ZNF317: variants seen among roughly 807,000 people sequenced by gnomAD.
The protein encoded by ZNF317 is KRAB-containing zinc finger protein 317.
ZNF317 carries 17 observed loss-of-function variants against 23.4 expected under a neutral mutation model. That is an observed-to-expected ratio of 0.73 (90% CI 0.50 to 1.09). The LOEUF is 1.09. ZNF317 is among the 50% of genes least tolerant of loss of function. ZNF317 has a pLI of 0.00. For synonymous variants in ZNF317, 317 were observed against 314.9 expected, an observed-to-expected ratio of 1.01 and a Z score of -0.07; for missense variants, 679 against 796.7, an observed-to-expected ratio of 0.85 and a Z score of 1.78.
intron 1 of ZNF317, among the ~76,000 whole-genome samples, chr19:9,142,424 G>T (rs1358978592): frequency 6.6e-6 from 1 of 152,072 alleles, no homozygotes; most frequent in Admixed American, 6.6e-5. Flanking sequence ...ATCTTAAAGG[G>T]AATTGTCATT....
At chr19:9,158,429 G>A (rs1265649888) in intron 5 of ZNF317, among the ~76,000 whole-genome samples, 1 of 127,716 alleles carries the variant, frequency 7.8e-6, no homozygotes, top group Non-Finnish European at 1.6e-5. Context: ...GGAGTGCAGT[G>A]GCATGATCTC....
chr19:9,140,473 CT>C lies in ZNF317; in HGVS notation c.-209del. On this transcript the variant is annotated 5_prime_UTR_variant, in exon 1 of 7. It introduces an in-frame stop codon into an upstream open reading frame of the 5' UTR. Transcript: ENST00000247956. Reference sequence around the variant, plus strand: ...GCCAAGGAGGGGTCAGCGGCGAATTCTTTCGGCCTGTTGGGGACCCCTCGTG... The same window carrying C: ...GCCAAGGAGGGGTCAGCGGCGAATTCTTCGGCCTGTTGGGGACCCCTCGTG... The C allele has an allele frequency of 2.2e-6, 1 of 456,424 alleles. No homozygotes were observed. The highest frequency in any genetic ancestry group is 4.4e-6 in the Non-Finnish European group (1 of 226,848). 28.3% of individuals were successfully genotyped at this position (456,424 alleles called of 1,614,324 possible). A position where few individuals can be genotyped will look rare whatever the true frequency, so the allele number is the denominator to read the frequency against.
rs753705072 is a variant in ZNF317 at position 9,161,132 on chromosome 19, A to T, written c.1487A>T (p.His496Leu). Residue 496 changes from histidine (H) to leucine (L), a missense_variant, in exon 7 of 7, where the codon CAC becomes CTC. His to Leu is a moderately conservative substitution (Grantham distance 99, BLOSUM62 -3). Transcript: ENST00000247956. This position sits in a 1 kb window ranked among gnomAD's most constrained non-coding sequence, Gnocchi z 4.0. ...TCCCGGCGGAGGCACATGAGCGTTC[A>T]CCTTGTAAAGAAACGAGTTGAGTGT... The part of the protein sequence containing the change: ...YLSRRRHMSV[H>L]LVKKRVECRQ... 4 of 1,614,196 alleles carry T rather than the reference A, an allele frequency of 2.5e-6. No individual in the cohort carries two copies. Among genetic ancestry groups the T allele is most frequent in the Non-Finnish European group, 3.4e-6 (4 of 1,180,040 alleles).
chr19:9,151,130 G>T (rs1327289247), intron 1 of ZNF317, among the ~76,000 whole-genome samples: 2 of 152,184 alleles, frequency 1.3e-5, no homozygotes, highest in East Asian at 3.9e-4. Context: ...GGTAGGTGAG[G>T]ATGGAGATAC....
intron 4 of ZNF317, 72 bp downstream of exon 4, chr19:9,157,466 C>G: frequency 6.3e-7 from 1 of 1,588,962 alleles, no homozygotes; most frequent in Non-Finnish European, 8.6e-7. Context: ...GTTCTGTGAC[C>G]CAGGAACTAT....
chr19:9,159,585 C>A (rs1462640849), intron 6 of ZNF317, among the ~76,000 whole-genome samples: 1 of 147,380 alleles, frequency 6.8e-6, no homozygotes, highest in South Asian at 2.2e-4. Flanking sequence ...TTGCTCTTGT[C>A]ACCCAGGCTG....
chr19:9,140,405 G>C lies in ZNF317; in HGVS notation c.-280G>C, dbSNP rs2050616017. ...GAGAATTGGAAGGCGGCAGTGAAGC[G>C]GAAGCCATTACTCTCTGGAGTCGAT... On this transcript the variant is annotated 5_prime_UTR_variant, in exon 1 of 7. Transcript: ENST00000247956. 1 of 392,012 alleles carries C rather than the reference G, an allele frequency of 2.6e-6. No homozygotes were observed. The highest frequency in any genetic ancestry group is 5.1e-6 in the Non-Finnish European group (1 of 194,522). 24.3% of individuals were successfully genotyped at this position (392,012 alleles called of 1,614,324 possible).
In ZNF317 at chr19:9,161,158, A is replaced by G; in HGVS notation, c.1513A>G (p.Arg505Gly). 2 of 1,614,142 alleles carry G rather than the reference A, an allele frequency of 1.2e-6. No individual in the cohort carries two copies. Among genetic ancestry groups the G allele is most frequent in the Non-Finnish European group, 1.7e-6 (2 of 1,180,018 alleles). ...VHLVKKRVEC[R>G]QCGKAFRNQS... is the part of the protein sequence containing the mutation. ...CCTTGTAAAGAAACGAGTTGAGTGT[A>G]GGCAGTGTGGCAAGGCCTTCAGGAA... The change falls in exon 7 of 7, where the codon AGG becomes GGG. Residue 505 changes from arginine to glycine, a missense_variant. By Grantham distance (125) the Arg-to-Gly change is moderately radical. Transcript: ENST00000247956. The surrounding 1 kb of genome is among the most constrained non-coding windows in gnomAD (Gnocchi z 4.0).
At position 9,162,593 on chromosome 19, in the gene ZNF317, T is replaced by A. The variant is rs1297024719; in HGVS notation, c.*1160T>A. On this transcript the variant is annotated 3_prime_UTR_variant, in exon 7 of 7. Coordinates refer to ENST00000247956, the MANE Select transcript of ZNF317 (RefSeq NM_020933.5). The stretch of plus-strand genomic sequence containing the variant: ...CCCCCGAGAGAAGCCCCAACGAGAT[T>A]TTCCGGTGAATACGGGACTGCACGT... 18 of 151,354 alleles carry A rather than the reference T, an allele frequency of 1.2e-4. No homozygotes were observed. The Admixed American group carries it at 1.2e-3, about 10-fold the overall frequency. 9.4% of individuals were successfully genotyped at this position (151,354 alleles called of 1,614,324 possible).
intron 4 of ZNF317, 46 bp from the exon 5 acceptor site, chr19:9,157,934 C>T: frequency 1.3e-6 from 2 of 1,541,730 alleles, no homozygotes; most frequent in Non-Finnish European, 1.8e-6. Context: ...AAGGGGTTGT[C>T]CTCTGCATGG....
In ZNF317 at chr19:9,157,248, A is replaced by G. The variant is rs2050793887; in HGVS notation, c.163-20A>G. The G allele has an allele frequency of 6.2e-7, 1 of 1,612,730 alleles. No homozygotes were observed. Among genetic ancestry groups the G allele is most frequent in the African/African-American group, 1.3e-5 (1 of 74,830 alleles). On this transcript the variant is annotated intron_variant, in intron 3 of 6. Coordinates refer to ENST00000247956, the MANE Select transcript of ZNF317 (RefSeq NM_020933.5). ...GTTAGGCTGGTTCCTCGCTGACCCC[A>G]AGTTTGTGTGGCGTTCCAGGAATCG...
At position 9,163,403 on chromosome 19, in the gene ZNF317, G is replaced by GT. The variant is rs1288616492; in HGVS notation, c.*1973dup. 2 of 152,144 alleles carry GT rather than the reference G, an allele frequency of 1.3e-5. No individual in the cohort carries two copies. Among genetic ancestry groups the GT allele is most frequent in the African/African-American group, 2.4e-5 (1 of 41,438 alleles). The allele number at this position is 152,144 out of a possible 1,614,324, so 9.4% of individuals were successfully genotyped here. A position where few individuals can be genotyped will look rare whatever the true frequency, so the allele number is the denominator to read the frequency against. On this transcript the variant is annotated 3_prime_UTR_variant, in exon 7 of 7. Transcript: ENST00000247956. ...TGAGAAAAAATAAAACTGATTATTG[G>GT]TTTAAGCTGCTATGGATATTTCATT...
chr19:9,147,729 A>G (rs193078204), intron 1 of ZNF317, among the ~76,000 whole-genome samples: 1 of 152,218 alleles, frequency 6.6e-6, no homozygotes, highest in African/African-American at 2.4e-5. Flanking sequence ...CCTGCTCCAC[A>G]TCCTGCTGGG....
chr19:9,157,169 G>T, intron 3 of ZNF317, 99 bp from the exon 4 acceptor site: 1 of 1,473,062 alleles, frequency 6.8e-7, no homozygotes, highest in Non-Finnish European at 9.2e-7. Flanking sequence ...TGGAAATCCT[G>T]TGTTGGGTCT....
chr19:9,161,339 A>T lies in ZNF317; in HGVS notation c.1694A>T (p.Lys565Ile), dbSNP rs775953169. ...EKPYECLVCG[K>I]AFSDHSSLRS... The stretch of plus-strand genomic sequence containing the variant: ...CCCTACGAATGCCTTGTCTGCGGGA[A>T]AGCCTTCAGCGACCACTCATCCCTC... Residue 565 changes from lysine (K) to isoleucine (I), a missense_variant, in exon 7 of 7, where the codon AAA (lysine) becomes ATA (isoleucine). Coordinates refer to ENST00000247956, the MANE Select transcript of ZNF317 (RefSeq NM_020933.5). The surrounding 1 kb of genome is among the most constrained non-coding windows in gnomAD (Gnocchi z 4.0). The T allele has an allele frequency of 9.9e-6, 16 of 1,614,106 alleles. No homozygotes were observed. The South Asian group carries it at 1.8e-4, about 18-fold the overall frequency.
chr19:9,149,740 G>A (rs1227903422), intron 1 of ZNF317, among the ~76,000 whole-genome samples: 1 of 152,122 alleles, frequency 6.6e-6, no homozygotes, highest in East Asian at 1.9e-4. Flanking sequence ...GTCTGAGTGA[G>A]ATGGGACACC....
rs567971478 is a variant in ZNF317 at position 9,150,410 on chromosome 19, T to C, written c.-92-5515T>C. Among the ~76,000 whole-genome samples the C allele has an allele frequency of 6.6e-5, 10 of 152,230 alleles. No individual in the cohort carries two copies. The East Asian group carries it at 1.7e-3, about 26-fold the overall frequency. On this transcript the variant is annotated intron_variant, in intron 1 of 6. Coordinates refer to ENST00000247956, the MANE Select transcript of ZNF317 (RefSeq NM_020933.5). ...AACTGAGTTTTGATGAACTGACTCT[T>C]GGGAGGGGAATGAGCAGAACTGTGG...
chr19:9,143,337 T>C (rs1354800657), intron 1 of ZNF317, among the ~76,000 whole-genome samples: 1 of 152,154 alleles, frequency 6.6e-6, no homozygotes, highest in Admixed American at 6.5e-5. Context: ...CTTTATGATA[T>C]ATATGTTTTC....
At chr19:9,156,390 A>G (rs1325670467) in intron 2 of ZNF317, among the ~76,000 whole-genome samples, 3 of 152,084 alleles carry the variant, frequency 2.0e-5, no homozygotes, top group Admixed American at 6.5e-5. Flanking sequence ...GTCACTTCTT[A>G]TGAGTATGTA....
Sources: gnomAD v4.1 joint callset for allele counts (sites outside exome capture counted in the v4.1 genomes callset) on GRCh38, gnomAD v4.1.1 for gene constraint, Gnocchi (gnomAD v3.1) non-coding constraint, MANE v1.5 for transcripts, NCBI Gene and HGNC (gene_info 2026-07-23, HGNC 2026-07-21) for gene names.